Variants in CDK14 observed in about 807,000 individuals in gnomAD.
CDK14 encodes cyclin-dependent kinase 14.
In CDK14, 34 loss-of-function variants were observed where a neutral mutation model predicts 60.7. The observed-to-expected ratio is 0.56, with a 90% CI of 0.43 to 0.75. The LOEUF (loss-of-function observed/expected upper bound fraction) is 0.75. CDK14 is among the 30% of genes least tolerant of loss of function. CDK14 has a pLI of 0.00. For synonymous variants in CDK14, 197 were observed against 203.7 expected (o/e 0.97, Z 0.28); for missense variants, 482 against 564.1 (o/e 0.85, Z 1.47).
In CDK14 at chr7:91,080,301, A is replaced by AC. The variant is rs147423558; in HGVS notation, c.1154+822dup. On this transcript the variant is annotated intron_variant, in intron 12 of 14. Transcript: ENST00000380050. ...CCAGTTATGAAAAAAATAACAAAAA[A>AC]CTTTTTCATATTAAAATGCTGCTAA... 3.4e-3 allele frequency among the ~76,000 whole-genome samples: 516 copies of AC among 152,340 alleles called. 1 individual carries two copies. The highest frequency in any genetic ancestry group is 0.012 in the African/African-American group (502 of 41,576).
chr7:90,835,591 C>T (rs1790068109), intron 5 of CDK14, among the ~76,000 whole-genome samples: 1 of 152,106 alleles, frequency 6.6e-6, no homozygotes, highest in African/African-American at 2.4e-5. Context: ...GTGACATGAT[C>T]CTGTCATTCT....
chr7:90,878,149 T>G (rs1449043901), intron 6 of CDK14, among the ~76,000 whole-genome samples: 2 of 151,662 alleles, frequency 1.3e-5, no homozygotes, highest in Non-Finnish European at 2.9e-5. Flanking sequence ...TTTTTCAAGG[T>G]TTTCATTAAA....
intron 10 of CDK14, among the ~76,000 whole-genome samples, chr7:90,989,628 G>A (rs1211897504): frequency 6.6e-6 from 1 of 152,168 alleles, no homozygotes; most frequent in African/African-American, 2.4e-5. Context: ...CAGCAGATGT[G>A]AGACCCAGCA....
At chr7:90,637,283 T>G (rs1800176705) in intron 2 of CDK14, among the ~76,000 whole-genome samples, 1 of 151,756 alleles carries the variant, frequency 6.6e-6, no homozygotes, top group Non-Finnish European at 1.5e-5. Flanking sequence ...GTGCTATAAA[T>G]TTCCCTCTAC....
At chr7:91,196,137 C>T (rs184890827) in intron 14 of CDK14, among the ~76,000 whole-genome samples, 27 of 152,308 alleles carry the variant, frequency 1.8e-4, no homozygotes, top group Non-Finnish European at 3.5e-4. Context: ...CTCCCCTTCC[C>T]AATCTTGAGC....
At chr7:91,011,299 C>T (rs1796152438) in intron 10 of CDK14, among the ~76,000 whole-genome samples, 1 of 152,002 alleles carries the variant, frequency 6.6e-6, no homozygotes, top group African/African-American at 2.4e-5. Context: ...AATCACAGTC[C>T]TCAGCACCTA....
chr7:90,931,494 A>G (rs991056750), intron 8 of CDK14, among the ~76,000 whole-genome samples: 3 of 152,030 alleles, frequency 2.0e-5, no homozygotes, highest in African/African-American at 7.2e-5. Context: ...ATTGGACTCT[A>G]CTCCATTTCC....
intron 6 of CDK14, among the ~76,000 whole-genome samples, chr7:90,875,033 C>A (rs1008020747): frequency 6.6e-6 from 1 of 152,150 alleles, no homozygotes; most frequent in Non-Finnish European, 1.5e-5. Context: ...ACCACTAACC[C>A]CCTGCTCCTG....
At chr7:90,787,561 C>G (rs1292613511) in intron 4 of CDK14, among the ~76,000 whole-genome samples, 3 of 152,076 alleles carry the variant, frequency 2.0e-5, no homozygotes, top group Non-Finnish European at 2.9e-5. Context: ...TGTTAGTATA[C>G]TATTATAACA....
At chr7:91,178,700 T>C (rs1801872136) in intron 14 of CDK14, among the ~76,000 whole-genome samples, 1 of 151,594 alleles carries the variant, frequency 6.6e-6, no homozygotes, top group East Asian at 1.9e-4. Flanking sequence ...AAAAAACACA[T>C]GAAAAAATGC....
intron 11 of CDK14, among the ~76,000 whole-genome samples, chr7:91,060,052 A>T (rs1253902156): frequency 1.3e-5 from 2 of 151,542 alleles, no homozygotes; most frequent in African/African-American, 4.9e-5. Context: ...GTGTCTTTGT[A>T]GGTCCTAAGG....
At chr7:91,020,593 C>G (rs1796408239) in intron 10 of CDK14, among the ~76,000 whole-genome samples, 1 of 152,178 alleles carries the variant, frequency 6.6e-6, no homozygotes, top group Admixed American at 6.5e-5. Context: ...TGCCCTAGAG[C>G]TTGCCACTGT....
intron 14 of CDK14, among the ~76,000 whole-genome samples, chr7:91,140,456 TTTACTTTGA>T (rs1800421683): frequency 6.6e-6 from 1 of 152,238 alleles, no homozygotes; most frequent in East Asian, 1.9e-4. Context: ...ATGGGCTTCC[TTTACTTTGA>T]CCTTATGTTA....
intron 12 of CDK14, among the ~76,000 whole-genome samples, chr7:91,086,467 G>C (rs1202754318): frequency 6.6e-6 from 1 of 151,822 alleles, no homozygotes; most frequent in East Asian, 1.9e-4. Flanking sequence ...TACCCTTTTT[G>C]AACTCCCTTA....
In CDK14 at chr7:90,947,690, A is replaced by AAAAG. The variant is rs559623396; in HGVS notation, c.827-7991_827-7988dup. On this transcript the variant is annotated intron_variant, in intron 8 of 14. Transcript: ENST00000380050. The stretch of plus-strand genomic sequence containing the variant: ...GATATTGCCTCCTCCTACTACTTAA[A>AAAAG]AAAGAAAGAAAGAAAGAAAAAGAAC... Among the ~76,000 whole-genome samples the AAAAG allele has an allele frequency of 1.8e-4, 27 of 152,216 alleles. 1 individual carries two copies. In the South Asian group the frequency reaches 4.6e-3, roughly 26 times the overall value.
At chr7:91,039,508 A>G (rs1458009536) in intron 10 of CDK14, among the ~76,000 whole-genome samples, 2 of 152,282 alleles carry the variant, frequency 1.3e-5, no homozygotes, top group Middle Eastern at 3.4e-3. Flanking sequence ...CCAGCCACCC[A>G]TTCCCCTTTC....
At chr7:91,099,364 T>G (rs1799094442) in intron 12 of CDK14, among the ~76,000 whole-genome samples, 1 of 152,158 alleles carries the variant, frequency 6.6e-6, no homozygotes, top group Non-Finnish European at 1.5e-5. Flanking sequence ...AAGATTTGGG[T>G]TTAAACACCC....
At chr7:90,917,806 G>T in intron 8 of CDK14, 82 bp downstream of exon 8, 2 of 1,352,948 alleles carry the variant, frequency 1.5e-6, no homozygotes, top group African/African-American at 1.5e-5. Flanking sequence ...TTGTTTAGGT[G>T]CACTTCTTCT....
chr7:90,634,365 T>A (rs1205803481), intron 2 of CDK14, among the ~76,000 whole-genome samples: 1 of 146,306 alleles, frequency 6.8e-6, no homozygotes, highest in Non-Finnish European at 1.5e-5. Context: ...AATTCCCATC[T>A]ATGAGTGAGA....
Sources: gnomAD v4.1 joint callset for allele counts (sites outside exome capture counted in the v4.1 genomes callset) on GRCh38, gnomAD v4.1.1 for gene constraint, MANE v1.5 for transcripts, NCBI Gene and HGNC (gene_info 2026-07-23, HGNC 2026-07-21) for gene names.